SDK1: variants seen among roughly 807,000 people sequenced by gnomAD.
SDK1 encodes sidekick cell adhesion molecule 1, also known as protein sidekick-1.
SDK1 carries 157 observed loss-of-function variants against 245.5 expected under a neutral mutation model. The ratio of observed to expected loss-of-function variants is 0.64; its 90% CI spans 0.56 to 0.73. SDK1 has a LOEUF of 0.73. SDK1 is among the 30% of genes least tolerant of loss of function. The pLI, the probability that SDK1 is intolerant of heterozygous loss-of-function variation, is 0.00. For synonymous variants in SDK1, 1,647 were observed against 1,278.5 expected, an observed-to-expected ratio of 1.29 and a Z score of -6.15; for missense variants, 3,583 against 3,002.3, an observed-to-expected ratio of 1.19 and a Z score of -4.52.
intron 1 of SDK1, among the ~76,000 whole-genome samples, chr7:3,530,346 C>T (rs572785018): frequency 5.4e-4 from 82 of 152,204 alleles, no homozygotes; most frequent in African/African-American, 1.9e-3. Context: ...TAAACATTTT[C>T]AATGAAAGTT....
chr7:4,178,451 T>C, intron 34 of SDK1, 34 bp from the exon 35 acceptor site: 3 of 1,492,332 alleles, frequency 2.0e-6, no homozygotes, highest in Non-Finnish European at 2.8e-6. Context: ...GTGGTCCTGG[T>C]GGAAGCTGAT....
intron 28 of SDK1, among the ~76,000 whole-genome samples, chr7:4,133,466 C>T (rs1208788309): frequency 6.6e-6 from 1 of 152,190 alleles, no homozygotes; most frequent in Non-Finnish European, 1.5e-5. Context: ...TGAGATAAGC[C>T]ATCTGAAAGA....
Position 4,026,926 on chromosome 7 carries a change from A to G in SDK1, c.2602+9574A>G, listed in dbSNP as rs1224285092. On this transcript the variant is annotated intron_variant, in intron 17 of 44. Coordinates refer to ENST00000404826, the MANE Select transcript of SDK1 (RefSeq NM_152744.4). The surrounding 1 kb of genome is among the most constrained non-coding windows in gnomAD (Gnocchi z 4.1). ...TTCAAAGGCGTATACATTTAATTCTATGTGGTAACCTGGAGAAATGGACAC... is the reference window on the plus strand; with the variant it reads ...TTCAAAGGCGTATACATTTAATTCTGTGTGGTAACCTGGAGAAATGGACAC... 1.3e-5 allele frequency among the ~76,000 whole-genome samples: 2 copies of G among 152,222 alleles called. No homozygotes were observed. Among genetic ancestry groups the G allele is most frequent in the Admixed American group, 1.3e-4 (2 of 15,280 alleles).
At chr7:3,841,656 T>G (rs1328092840) in intron 5 of SDK1, among the ~76,000 whole-genome samples, 1 of 151,874 alleles carries the variant, frequency 6.6e-6, no homozygotes, top group African/African-American at 2.4e-5. Context: ...AACCTTCGCC[T>G]CCTGGGTTCA....
chr7:3,693,230 A>G (rs1239360427), intron 4 of SDK1, among the ~76,000 whole-genome samples: 1 of 151,868 alleles, frequency 6.6e-6, no homozygotes, highest in Non-Finnish European at 1.5e-5. Context: ...TTTTTTCTTC[A>G]TTATCTCTGT....
chr7:4,254,352 A>G (rs1360503920), intron 44 of SDK1, among the ~76,000 whole-genome samples: 1 of 152,098 alleles, frequency 6.6e-6, no homozygotes, highest in Non-Finnish European at 1.5e-5. Context: ...CTATCAATCT[A>G]TCTTTAAGTG....
intron 35 of SDK1, among the ~76,000 whole-genome samples, chr7:4,189,056 T>TA (rs5882012): frequency 0.43 from 65,540 of 151,800 alleles, 14,993 homozygotes; most frequent in Middle Eastern, 0.65. Flanking sequence ...GGCAAGTTCT[T>TA]AAAAAAAAGC....
chr7:4,103,294 C>A (rs1293683692), intron 22 of SDK1, among the ~76,000 whole-genome samples: 1 of 152,200 alleles, frequency 6.6e-6, no homozygotes, highest in Non-Finnish European at 1.5e-5. Context: ...GCCACCGCGC[C>A]CGGCCCCCCA....
At chr7:3,655,477 ATATATATATATATATATATATATATATG>A (rs1463477886) in intron 4 of SDK1, among the ~76,000 whole-genome samples, 26 of 88,194 alleles carry the variant, frequency 2.9e-4, no homozygotes, top group East Asian at 2.1e-3. Flanking sequence ...ATATATATAT[ATATATATATATATATATATATATATATG>A]TATGTATGTA....
chr7:3,620,741 A>C (rs554878629), intron 2 of SDK1, among the ~76,000 whole-genome samples: 1 of 152,144 alleles, frequency 6.6e-6, no homozygotes, highest in South Asian at 2.1e-4. Context: ...AGCTGCCCCC[A>C]TCAAAGGCAT....
intron 1 of SDK1, among the ~76,000 whole-genome samples, chr7:3,501,524 G>A (rs923467593): frequency 2.6e-5 from 4 of 151,976 alleles, no homozygotes; most frequent in Admixed American, 1.3e-4. Context: ...TTTTTATTTC[G>A]TGCTCCTGAT....
intron 4 of SDK1, among the ~76,000 whole-genome samples, chr7:3,709,461 G>T (rs1249864804): frequency 6.6e-6 from 1 of 152,214 alleles, no homozygotes; most frequent in South Asian, 2.1e-4. Flanking sequence ...CTGTGGACTG[G>T]ATTGCCAGGT....
chr7:3,811,647 G>T (rs1174364923), intron 4 of SDK1, among the ~76,000 whole-genome samples: 1 of 152,176 alleles, frequency 6.6e-6, no homozygotes, highest in Non-Finnish European at 1.5e-5. Context: ...ATGGTGCTGG[G>T]AGTAGTCAGG....
At chr7:4,234,085 A>T (rs1785987878) in intron 41 of SDK1, among the ~76,000 whole-genome samples, 1 of 152,174 alleles carries the variant, frequency 6.6e-6, no homozygotes, top group African/African-American at 2.4e-5. Flanking sequence ...CCCGGCAGCT[A>T]TGGGGGAGCC....
chr7:3,365,333 G>T (rs535749963), intron 1 of SDK1, among the ~76,000 whole-genome samples: 7 of 152,070 alleles, frequency 4.6e-5, no homozygotes, highest in Non-Finnish European at 7.4e-5. Flanking sequence ...AGAAACTCTG[G>T]TTCCTTTTAG....
chr7:3,500,116 G>C (rs1375489580), intron 1 of SDK1, among the ~76,000 whole-genome samples: 1 of 152,098 alleles, frequency 6.6e-6, no homozygotes, highest in Non-Finnish European at 1.5e-5. Flanking sequence ...GGGGGGGTCT[G>C]GTGACAGCCC....
chr7:3,761,254 C>T (rs1284425049), intron 4 of SDK1, among the ~76,000 whole-genome samples: 9 of 141,728 alleles, frequency 6.4e-5, no homozygotes, highest in African/African-American at 2.5e-4. Context: ...TATCAAGCCC[C>T]CCCTCCTTTT....
chr7:4,207,988 A>C, intron 36 of SDK1, 111 bp from the exon 37 acceptor site: 2 of 777,540 alleles, frequency 2.6e-6, no homozygotes, highest in Non-Finnish European at 4.3e-6. Context: ...CACCCAGCAC[A>C]GCTCGCCCCA....
intron 4 of SDK1, among the ~76,000 whole-genome samples, chr7:3,747,266 C>G (rs1779652466): frequency 6.6e-6 from 1 of 152,094 alleles, no homozygotes; most frequent in African/African-American, 2.4e-5. Context: ...ATACCATAAC[C>G]AACATTTAGT....
Sources: allele counts gnomAD v4.1 joint callset (sites outside exome capture counted in the v4.1 genomes callset), GRCh38; gene constraint gnomAD v4.1.1; non-coding constraint Gnocchi (gnomAD v3.1); transcripts MANE v1.5; gene names NCBI Gene and HGNC (gene_info 2026-07-23, HGNC 2026-07-21).